The following HTR2C variants were observed in gnomAD, a reference collection of about 807,000 sequenced individuals.
HTR2C encodes the protein 5-hydroxytryptamine (serotonin) receptor 2C, G protein-coupled.
In HTR2C, 5 loss-of-function variants were observed where a neutral mutation model predicts 21.0. The ratio of observed to expected loss-of-function variants is 0.24; its 90% CI spans 0.12 to 0.50. HTR2C has a LOEUF of 0.50. HTR2C is among the 20% of genes least tolerant of loss of function. The pLI, the probability that HTR2C is intolerant of heterozygous loss-of-function variation, is 0.98. For synonymous variants in HTR2C, 150 were observed against 145.3 expected, an observed-to-expected ratio of 1.03 and a Z score of -0.23; for missense variants, 271 against 371.2, an observed-to-expected ratio of 0.73 and a Z score of 2.22.
chrX:114,771,714 T>G (rs1056510592), intron 4 of HTR2C, among the ~76,000 whole-genome samples: 21 of 112,172 alleles, frequency 1.9e-4, no homozygotes, highest in African/African-American at 5.8e-4. Context: ...TTTTACATTT[T>G]TAGCCAACTT....
chrX:114,693,527 A>C (rs1932171512), intron 2 of HTR2C, among the ~76,000 whole-genome samples: 1 of 111,935 alleles, frequency 8.9e-6, no homozygotes. Flanking sequence ...CATCCTTGGC[A>C]CTATTGACAT....
At chrX:114,670,712 A>T (rs182194862) in intron 2 of HTR2C, among the ~76,000 whole-genome samples, 1 of 112,602 alleles carries the variant, frequency 8.9e-6, no homozygotes, top group East Asian at 2.8e-4. Context: ...AATATATTAA[A>T]TTTATCATTA....
chrX:114,669,450 A>G (rs1931289985), intron 2 of HTR2C, among the ~76,000 whole-genome samples: 1 of 112,013 alleles, frequency 8.9e-6, no homozygotes, highest in Admixed American at 9.5e-5. Context: ...TATTACTTAG[A>G]ATTGTGATGA....
intron 5 of HTR2C, among the ~76,000 whole-genome samples, chrX:114,855,508 T>C (rs1341901274): frequency 2.7e-5 from 3 of 110,661 alleles, no homozygotes; most frequent in Non-Finnish European, 5.7e-5. Flanking sequence ...TTTCCAAAAA[T>C]TACATTATTC....
chrX:114,652,270 T>C (rs1351721337), intron 2 of HTR2C, among the ~76,000 whole-genome samples: 1 of 111,644 alleles, frequency 9.0e-6, no homozygotes, highest in African/African-American at 3.2e-5. Flanking sequence ...TAAAATGTAC[T>C]TGATGCAGTC....
intron 2 of HTR2C, among the ~76,000 whole-genome samples, chrX:114,681,325 T>A (rs149044709): frequency 1.6e-3 from 173 of 111,471 alleles, no homozygotes; most frequent in African/African-American, 5.1e-3. Context: ...TTGCCAGGCT[T>A]AATAATTATT....
At chrX:114,604,203 C>T (rs905186914) in intron 1 of HTR2C, among the ~76,000 whole-genome samples, 6 of 108,057 alleles carry the variant, frequency 5.6e-5, no homozygotes, top group African/African-American at 1.7e-4. Context: ...GGAAGAAGGG[C>T]GGCAATGAGA....
In HTR2C at chrX:114,907,399, G is replaced by T. The variant is rs782297287; in HGVS notation, c.1361G>T (p.Arg454Met). 1 of 1,198,176 alleles carries T rather than the reference G, an allele frequency of 8.3e-7. No individual in the cohort carries two copies. Among genetic ancestry groups the T allele is most frequent in the Admixed American group, 2.2e-5 (1 of 45,958 alleles). ...AATCCCTCCAGTGTGGTTAGCGAAA[G>T]GATTAGCAGTGTGTGAGAAAGAACA... ...PVNPSSVVSE[R>M]ISSV The change falls in exon 6 of 6, where the codon AGG (arginine) becomes ATG (methionine). Residue 454 changes from arginine (R) to methionine (M), a missense_variant. Physicochemically the swap from Arg to Met is moderately conservative, Grantham distance 91. Around this residue, in one of 5 missense-constraint regions of HTR2C, gnomAD observed 192 missense variants for 247.2 expected, o/e 0.78. Transcript: ENST00000276198.
intron 1 of HTR2C, among the ~76,000 whole-genome samples, chrX:114,601,389 G>A (rs1366606959): frequency 2.7e-5 from 3 of 109,141 alleles, no homozygotes; most frequent in Non-Finnish European, 5.7e-5. Flanking sequence ...AGGGAGATGA[G>A]GGTGGGGCTG....
intron 5 of HTR2C, among the ~76,000 whole-genome samples, chrX:114,903,130 C>T (rs1012462728): frequency 1.8e-5 from 2 of 111,623 alleles, no homozygotes; most frequent in Admixed American, 1.9e-4. Flanking sequence ...GAACTGCTGA[C>T]ACTTACCTTT....
At chrX:114,793,965 C>CACTCACTAACATCTAACTTACTCTATACT (rs2070261940) in intron 4 of HTR2C, among the ~76,000 whole-genome samples, 1 of 109,896 alleles carries the variant, frequency 9.1e-6, no homozygotes, top group Non-Finnish European at 1.9e-5. Flanking sequence ...GTGAGAATAG[C>CACTCACTAACATCTAACTTACTCTATACT]GAGTATCAGA....
rs1453444858 is a variant in HTR2C, at chrX:114,644,368, T to A, written c.-80+30487T>A. Among the ~76,000 whole-genome samples, 312 of 41,552 alleles carry A rather than the reference T, an allele frequency of 7.5e-3. 2 individuals carry two copies. Among genetic ancestry groups the A allele is most frequent in the East Asian group, 0.011 (15 of 1,341 alleles). The allele number at this position is 41,552 out of a possible 115,157, so 36.1% of individuals were successfully genotyped here. A position where few individuals can be genotyped will look rare whatever the true frequency, so the allele number is the denominator to read the frequency against. On this transcript the variant is annotated intron_variant, in intron 2 of 5. Coordinates refer to ENST00000276198, the MANE Select transcript of HTR2C (RefSeq NM_000868.4). The stretch of plus-strand genomic sequence containing the variant: ...TAAAATAAATAAATAAATAAATATA[T>A]ATATATATATATATATATATATATA...
rs782554853 is a variant in HTR2C, at chrX:114,908,276, A to G, written c.*861A>G. 1.8e-5 allele frequency: 2 copies of G among 112,515 alleles called. No homozygotes were observed. Among genetic ancestry groups the G allele is most frequent in the African/African-American group, 3.2e-5 (1 of 30,968 alleles). The allele number at this position is 112,515 out of a possible 1,213,427, so 9.3% of individuals were successfully genotyped here. ...TTTCCCAACCCAGGATTCAACATCA[A>G]TTGGGTTTTGATCTCAGCATCCTGG... On this transcript the variant is annotated 3_prime_UTR_variant, in exon 6 of 6. Transcript: ENST00000276198.
chrX:114,811,872 T>C (rs2070535012), intron 4 of HTR2C, among the ~76,000 whole-genome samples: 2 of 111,949 alleles, frequency 1.8e-5, no homozygotes, highest in African/African-American at 6.5e-5. Flanking sequence ...CATGGTAAAA[T>C]AACTGTTTCT....
intron 4 of HTR2C, among the ~76,000 whole-genome samples, chrX:114,825,973 T>C (rs1308449690): frequency 8.9e-6 from 1 of 112,033 alleles, no homozygotes; most frequent in Non-Finnish European, 1.9e-5. Flanking sequence ...ATTCTAGCAT[T>C]TGTTTAATTA....
rs1002487713 is a variant in HTR2C, at chrX:114,604,204, G to A, written c.-146-9611G>A. ...GAGGCTTTGGATTGGGAAGAAGGGC[G>A]GCAATGAGATTTAGCTGTAGTCCAG... On this transcript the variant is annotated intron_variant, in intron 1 of 5. Transcript: ENST00000276198. 2.0e-4 allele frequency among the ~76,000 whole-genome samples: 22 copies of A among 109,546 alleles called. No homozygotes were observed. The East Asian group carries it at 6.1e-3, about 30-fold the overall frequency.
chrX:114,688,799 AT>A (rs1186390284), intron 2 of HTR2C, among the ~76,000 whole-genome samples: 1 of 110,942 alleles, frequency 9.0e-6, no homozygotes, highest in Non-Finnish European at 1.9e-5. Flanking sequence ...AACTGAGAAA[AT>A]TTGCATAGCT....
At position 114,906,905 on chromosome X, in the gene HTR2C, AAAG is replaced by A. The variant is rs781852384; in HGVS notation, c.874_876del (p.Lys292del). On this transcript the variant is annotated inframe_deletion, in exon 6 of 6. Transcript: ENST00000276198. ...ACCAAGACCAGAACGCACGCCGAAG[AAAG>A]AAGAAGGAGAGACGTCCTAGGGGCA... 1.5e-3 allele frequency: 1,843 copies of A among 1,209,305 alleles called. 22 individuals carry two copies. In the African/African-American group the frequency reaches 0.028, roughly 19 times the overall value.
chrX:114,795,641 T>C (rs1009951766), intron 4 of HTR2C, among the ~76,000 whole-genome samples: 2 of 111,899 alleles, frequency 1.8e-5, no homozygotes, highest in African/African-American at 6.5e-5. Flanking sequence ...CCATTTCTTG[T>C]TTTTGTCAGG....
Sources: gnomAD v4.1 joint callset for allele counts (sites outside exome capture counted in the v4.1 genomes callset) on GRCh38, gnomAD v4.1.1 for gene constraint, gnomAD v4.1.1 regional missense constraint, MANE v1.5 for transcripts, NCBI Gene and HGNC (gene_info 2026-07-23, HGNC 2026-07-21) for gene names.